Variants in FGF14 observed in about 807,000 individuals in gnomAD.
FGF14 encodes fibroblast growth factor 14.
In FGF14, 5 loss-of-function variants were observed where a neutral mutation model predicts 25.5. That is an observed-to-expected ratio of 0.20 (90% CI 0.10 to 0.41). FGF14 has a LOEUF of 0.41. Ranked by LOEUF, FGF14 falls within the 10% of genes least tolerant of loss-of-function variation. The pLI is 1.00. For missense variants in FGF14, 222 were observed against 320.1 expected (o/e 0.69, Z 2.34); for synonymous variants, 138 against 118.3 (o/e 1.17, Z -1.08).
chr13:102,388,112 T>C (rs1404276468), intron 1 of FGF14, among the ~76,000 whole-genome samples: 1 of 152,184 alleles, frequency 6.6e-6, no homozygotes, highest in Non-Finnish European at 1.5e-5. Context: ...TGTTCCCTTC[T>C]TTGTGTCCAT....
chr13:101,964,253 GA>G (rs2037047376), intron 1 of FGF14, among the ~76,000 whole-genome samples: 1 of 147,550 alleles, frequency 6.8e-6, no homozygotes, highest in Admixed American at 7.2e-5. Flanking sequence ...TAGTTGTAAA[GA>G]TTTTTTTTTA....
chr13:101,981,475 G>A (rs1167765842), intron 1 of FGF14, among the ~76,000 whole-genome samples: 1 of 152,114 alleles, frequency 6.6e-6, no homozygotes, highest in African/African-American at 2.4e-5. Flanking sequence ...TGCCCAGTCT[G>A]GGGTATTTTG....
At chr13:101,996,138 G>A (rs1008289455) in intron 1 of FGF14, among the ~76,000 whole-genome samples, 9 of 151,974 alleles carry the variant, frequency 5.9e-5, no homozygotes, top group Non-Finnish European at 1.2e-4. Context: ...CACATACTGT[G>A]TACCCACAAA....
At position 102,226,928 on chromosome 13, in the gene FGF14, A is replaced by G. The variant is rs183395839; in HGVS notation, c.208+174543T>C. 2.0e-5 allele frequency among the ~76,000 whole-genome samples: 3 copies of G among 152,208 alleles called. No individual in the cohort carries two copies. The East Asian group carries it at 5.8e-4, about 29-fold the overall frequency. On this transcript the variant is annotated intron_variant, in intron 1 of 4. Coordinates refer to the FGF14 transcript ENST00000376131. The stretch of plus-strand genomic sequence containing the variant: ...TTTTCTACAGAAAATGGTTAATGGT[A>G]CCAATTTTTAAACTTGACATCCTAG...
At chr13:102,367,448 C>T (rs1388953203) in intron 1 of FGF14, 3 of 152,280 alleles carry the variant, frequency 2.0e-5, no homozygotes, top group African/African-American at 4.8e-5. Flanking sequence ...TCTTTTATGA[C>T]CTAGTCCCAG....
intron 1 of FGF14, among the ~76,000 whole-genome samples, chr13:102,225,955 T>C (rs940256299): frequency 6.6e-6 from 1 of 152,224 alleles, no homozygotes; most frequent in Non-Finnish European, 1.5e-5. Context: ...ATTGTTTCAA[T>C]TTGTGAAAGC....
intron 1 of FGF14, among the ~76,000 whole-genome samples, chr13:101,942,768 C>T (rs557566444): frequency 2.0e-5 from 3 of 152,216 alleles, no homozygotes; most frequent in Admixed American, 2.0e-4. Context: ...GTTTCTATGA[C>T]TCTCTCAGGA....
chr13:102,075,544 A>C (rs537382617), intron 1 of FGF14, among the ~76,000 whole-genome samples: 1 of 152,372 alleles, frequency 6.6e-6, no homozygotes, highest in African/African-American at 2.4e-5. Flanking sequence ...TGTACAGCAC[A>C]TAATAGTTGA....
At chr13:102,230,417 C>A (rs1482631069) in intron 1 of FGF14, among the ~76,000 whole-genome samples, 1 of 152,192 alleles carries the variant, frequency 6.6e-6, no homozygotes, top group Non-Finnish European at 1.5e-5. Flanking sequence ...AAGGTATAAA[C>A]AAACACTGCA....
intron 3 of FGF14, among the ~76,000 whole-genome samples, chr13:101,816,612 A>G (rs2140213367): frequency 6.6e-6 from 1 of 152,296 alleles, no homozygotes; most frequent in South Asian, 2.1e-4. Flanking sequence ...CAAAAAGTTC[A>G]GCTCATCTTA....
intron 3 of FGF14, among the ~76,000 whole-genome samples, chr13:101,867,934 A>ACACACG (rs1423363736): frequency 2.3e-4 from 31 of 133,906 alleles, no homozygotes; most frequent in African/African-American, 4.6e-4. Context: ...ACACACACAC[A>ACACACG]CGCGCACACA....
intron 1 of FGF14, among the ~76,000 whole-genome samples, chr13:102,088,315 A>G (rs530984316): frequency 6.6e-6 from 1 of 152,350 alleles, no homozygotes; most frequent in Non-Finnish European, 1.5e-5. Flanking sequence ...CAAGTTGGGA[A>G]AAGTAATAAA....
At chr13:102,018,281 G>A (rs1443137358) in intron 1 of FGF14, among the ~76,000 whole-genome samples, 2 of 152,024 alleles carry the variant, frequency 1.3e-5, no homozygotes, top group African/African-American at 4.8e-5. Flanking sequence ...TACACCACCT[G>A]GTGTTTCACC....
chr13:101,908,752 T>C (rs914775226), intron 1 of FGF14, among the ~76,000 whole-genome samples: 2 of 152,180 alleles, frequency 1.3e-5, no homozygotes, highest in Non-Finnish European at 2.9e-5. Flanking sequence ...TTAAAGTTCA[T>C]GTGGAACCAA....
intron 1 of FGF14, among the ~76,000 whole-genome samples, chr13:102,177,217 T>A (rs912543765): frequency 6.6e-6 from 1 of 152,190 alleles, no homozygotes; most frequent in African/African-American, 2.4e-5. Context: ...TTGGAAGATA[T>A]GAATTTTCTA....
intron 1 of FGF14, among the ~76,000 whole-genome samples, chr13:102,027,479 A>G (rs973828486): frequency 1.3e-5 from 2 of 152,090 alleles, no homozygotes; most frequent in African/African-American, 4.8e-5. Context: ...AGCAGGAAAG[A>G]TAATTCTAAC....
chr13:101,928,190 T>C (rs910188507), intron 1 of FGF14, among the ~76,000 whole-genome samples: 13 of 152,068 alleles, frequency 8.5e-5, no homozygotes, highest in Admixed American at 7.9e-4. Flanking sequence ...AACATTTTAA[T>C]AAAAGGGAAT....
intron 3 of FGF14, among the ~76,000 whole-genome samples, chr13:101,776,271 T>G (rs2039097144): frequency 6.6e-6 from 1 of 152,198 alleles, no homozygotes; most frequent in Non-Finnish European, 1.5e-5. Flanking sequence ...TATTAAAATT[T>G]AGAACTGTCC....
chr13:102,121,286 T>C (rs2045713406), intron 1 of FGF14, among the ~76,000 whole-genome samples: 1 of 152,120 alleles, frequency 6.6e-6, no homozygotes, highest in South Asian at 2.1e-4. Context: ...GTGGAAAATC[T>C]TATCAAAGGG....
Sources: allele counts gnomAD v4.1 joint callset (sites outside exome capture counted in the v4.1 genomes callset), GRCh38; gene constraint gnomAD v4.1.1; transcripts MANE v1.5; gene names NCBI Gene and HGNC (gene_info 2026-07-23, HGNC 2026-07-21).